TNS1: variants seen among roughly 807,000 people sequenced by gnomAD.
The protein encoded by TNS1 is tensin 1, also known as tensin-1.
Under a neutral mutation model 168.6 loss-of-function variants are expected in TNS1, and 62 were observed. The ratio of observed to expected loss-of-function variants is 0.37; its 90% CI spans 0.30 to 0.45. TNS1 has a LOEUF of 0.45. TNS1 is among the 20% of genes least tolerant of loss of function. The probability of loss-of-function intolerance (pLI) is 1.00; values close to 1 mark genes in which losing one functional copy is unlikely to be tolerated. For missense variants in TNS1, 2,240 were observed against 2,339.4 expected, an observed-to-expected ratio of 0.96 and a Z score of 0.88; for synonymous variants, 934 against 933.2, an observed-to-expected ratio of 1.00 and a Z score of -0.02.
At chr2:217,887,362 G>A (rs2125683578) in intron 12 of TNS1, among the ~76,000 whole-genome samples, 3 of 152,290 alleles carry the variant, frequency 2.0e-5, no homozygotes, top group Middle Eastern at 3.4e-3. Flanking sequence ...AGGCTGGAGT[G>A]CAATGGCGCA....
chr2:217,956,284 T>C (rs11893276), intron 3 of TNS1, among the ~76,000 whole-genome samples: 10,030 of 152,138 alleles, frequency 0.066, 1,134 homozygotes, highest in African/African-American at 0.23. Flanking sequence ...ACTACAGGCA[T>C]GAGCCACCGC....
In TNS1 at chr2:217,823,343, GTCCTCCAGGTCCC is replaced by G. The variant is rs1402368665; in HGVS notation, c.3374-1418_3374-1406del. On this transcript the variant is annotated intron_variant, in intron 22 of 32. Coordinates refer to ENST00000682258, the MANE Select transcript of TNS1 (RefSeq NM_001387777.1). Reference sequence around the variant, plus strand: ...AAACTTTCTTTACCAAAATAGTCAGGTCCTCCAGGTCCCTCCTCCAGGTCCCTCATGGGTGACA... The same window carrying G: ...AAACTTTCTTTACCAAAATAGTCAGGTCCTCCAGGTCCCTCATGGGTGACA... 5.9e-5 allele frequency among the ~76,000 whole-genome samples: 9 copies of G among 152,202 alleles called. No individual in the cohort carries two copies. The South Asian group carries it at 1.5e-3, about 25-fold the overall frequency.
At chr2:217,805,525 C>CCA (rs1559132199) in intron 32 of TNS1, among the ~76,000 whole-genome samples, 27 of 1,728 alleles carry the variant, frequency 0.016, 1 homozygote, top group African/African-American at 0.044. Context: ...ACCACACACA[C>CCA]CACACACACC....
rs1040288402 is a variant in TNS1 at position 218,032,284 on chromosome 2, G to C, written c.156+1536C>G. Among the ~76,000 whole-genome samples the C allele has an allele frequency of 6.6e-6, 1 of 152,214 alleles. No individual in the cohort carries two copies. The highest frequency in any genetic ancestry group is 2.4e-5 in the African/African-American group (1 of 41,456). The stretch of plus-strand genomic sequence containing the variant: ...AGCCAAATGCTGGCCAGGGGAGAAA[G>C]AGGAGTGGGCAATGGGGCCTGGGGG... On this transcript the variant is annotated intron_variant, in intron 1 of 1. Coordinates refer to the TNS1 transcript ENST00000649572. The surrounding 1 kb of genome is among the most constrained non-coding windows in gnomAD (Gnocchi z 4.0).
intron 18 of TNS1, among the ~76,000 whole-genome samples, chr2:217,855,677 C>T (rs554734678): frequency 6.6e-6 from 1 of 152,248 alleles, no homozygotes; most frequent in East Asian, 1.9e-4. Flanking sequence ...CATGGCTGTA[C>T]AGAATGGCCC....
intron 19 of TNS1, among the ~76,000 whole-genome samples, chr2:217,843,378 C>A (rs1946243455): frequency 6.6e-6 from 1 of 151,766 alleles, no homozygotes; most frequent in Non-Finnish European, 1.5e-5. Flanking sequence ...CAACCTACTC[C>A]CCTCCTCTTC....
At chr2:218,001,648 C>G (rs1248017114) in intron 1 of TNS1, among the ~76,000 whole-genome samples, 2 of 152,098 alleles carry the variant, frequency 1.3e-5, no homozygotes, top group Admixed American at 1.3e-4. Flanking sequence ...TGCAGGCCTC[C>G]CCAGTCACTC....
At chr2:217,968,628 G>A (rs780729497) in intron 3 of TNS1, among the ~76,000 whole-genome samples, 1 of 152,066 alleles carries the variant, frequency 6.6e-6, no homozygotes, top group Non-Finnish European at 1.5e-5. Flanking sequence ...ATAAATTAAA[G>A]AAGATATAAA....
At chr2:217,905,487 C>T in intron 6 of TNS1, 1 of 342,836 alleles carries the variant, frequency 2.9e-6, no homozygotes, top group Non-Finnish European at 5.9e-6. Context: ...CCTGCTCCCG[C>T]AGCACTCCCT....
At chr2:218,011,671 C>T (rs536588682), upstream of TNS1, among the ~76,000 whole-genome samples, 1 of 152,194 alleles carries the variant, frequency 6.6e-6, no homozygotes, top group East Asian at 1.9e-4. Flanking sequence ...CTCACCCCTG[C>T]CCCCAAGCTC....
chr2:217,836,781 C>T (rs1399036712), intron 19 of TNS1, among the ~76,000 whole-genome samples: 5 of 152,176 alleles, frequency 3.3e-5, no homozygotes, highest in Non-Finnish European at 5.9e-5. Flanking sequence ...TCCGGTGTAC[C>T]GCTGAACCTC....
At chr2:217,850,119 C>T (rs554990974) in intron 18 of TNS1, 10 of 985,256 alleles carry the variant, frequency 1.0e-5, no homozygotes, top group Non-Finnish European at 1.2e-5. Context: ...AGGAAAGGGA[C>T]GCGGGTCCTG....
Position 217,847,564 on chromosome 2 carries a change from T to C in TNS1, c.2953A>G (p.Thr985Ala). The stretch of plus-strand genomic sequence containing the variant: ...AAATTCAATGGCTCCTCCTCTGGAG[T>C]CCGGGAGGGGTCTGAAGTCGCTTCC... Reference protein sequence around the residue: ...PKEATSDPSRTPEEEPLNLEG... With the variant: ...PKEATSDPSRAPEEEPLNLEG... Residue 985 changes from threonine (T) to alanine (A), a missense_variant, in exon 19 of 33, where the codon ACT becomes GCT. By Grantham distance (58) the Thr-to-Ala change is moderately conservative. This residue lies in a region of TNS1 where 2,131 missense variants were observed against 2,171.2 expected (regional missense o/e 0.98). Coordinates refer to ENST00000682258, the MANE Select transcript of TNS1 (RefSeq NM_001387777.1). 1 of 1,493,198 alleles carries C rather than the reference T, an allele frequency of 6.7e-7. No individual in the cohort carries two copies. The highest frequency in any genetic ancestry group is 2.3e-5 in the East Asian group (1 of 43,622). The allele number at this position is 1,493,198 out of a possible 1,614,324, so 92.5% of individuals were successfully genotyped here.
At chr2:218,031,122 ATGTC>A (rs1353113541) in intron 1 of TNS1, among the ~76,000 whole-genome samples, 1 of 85,224 alleles carries the variant, frequency 1.2e-5, no homozygotes, top group Non-Finnish European at 2.0e-5. Context: ...GTGTGTGAGC[ATGTC>A]TGTGTGTGTG....
At chr2:217,835,300 G>T in intron 20 of TNS1, 134 bp from the exon 21 acceptor site, 1 of 777,454 alleles carries the variant, frequency 1.3e-6, no homozygotes, top group Non-Finnish European at 2.0e-6. Flanking sequence ...CCTCACTGGT[G>T]CTCAGGGCAG....
At chr2:217,890,292 G>A (rs1951613311) in intron 12 of TNS1, 1 of 152,304 alleles carries the variant, frequency 6.6e-6, no homozygotes, top group African/African-American at 2.4e-5. Flanking sequence ...CCTCATTGCT[G>A]TCTGACACTG....
intron 19 of TNS1, among the ~76,000 whole-genome samples, chr2:217,839,634 T>G (rs950974862): frequency 1.3e-5 from 2 of 152,118 alleles, no homozygotes; most frequent in African/African-American, 2.4e-5. Context: ...GACCGATACA[T>G]GTACTTTGGC....
In TNS1 at chr2:217,949,518, A is replaced by G. The variant is rs193078294; in HGVS notation, c.186+29247T>C. ...GAATCCCCAGATCTAGACTATCTGT[A>G]TCTCAGGAAGGTGTTGGCAGGATCC... is the stretch of plus-strand genomic sequence containing the variant. On this transcript the variant is annotated intron_variant, in intron 3 of 32. Coordinates refer to ENST00000682258, the MANE Select transcript of TNS1 (RefSeq NM_001387777.1). Among the ~76,000 whole-genome samples the G allele has an allele frequency of 3.0e-3, 454 of 152,340 alleles. 1 individual carries two copies. Among genetic ancestry groups the G allele is most frequent in the Admixed American group, 7.6e-3 (116 of 15,310 alleles).
chr2:217,844,045 C>A (rs1162547555), intron 19 of TNS1, among the ~76,000 whole-genome samples: 1 of 152,158 alleles, frequency 6.6e-6, no homozygotes, highest in African/African-American at 2.4e-5. Context: ...CCTCCTCCTG[C>A]CTTCCTGCTT....
Sources: allele counts gnomAD v4.1 joint callset (sites outside exome capture counted in the v4.1 genomes callset), GRCh38; gene constraint gnomAD v4.1.1; regional missense constraint gnomAD v4.1.1; non-coding constraint Gnocchi (gnomAD v3.1); transcripts MANE v1.5; gene names NCBI Gene and HGNC (gene_info 2026-07-23, HGNC 2026-07-21).